The following RGS12 variants were observed in gnomAD, a reference collection of about 807,000 sequenced individuals.
RGS12 encodes regulator of G protein signaling 12, also known as regulator of G-protein signaling 12.
A neutral mutation model predicts 120.1 loss-of-function variants in RGS12; 66 were observed. The ratio of observed to expected loss-of-function variants is 0.55; its 90% CI spans 0.45 to 0.67. RGS12 has a LOEUF of 0.67. Ranked by LOEUF, RGS12 falls within the 30% of genes least tolerant of loss-of-function variation. The probability of loss-of-function intolerance (pLI) is 0.00; values close to 1 mark genes in which losing one functional copy is unlikely to be tolerated. For missense variants in RGS12, 1,859 were observed against 1,957.7 expected (o/e 0.95, Z 0.95); for synonymous variants, 827 against 804.7 (o/e 1.03, Z -0.47).
At chr4:3,417,731 C>T in intron 9 of RGS12, 190 bp downstream of exon 9, 1 of 609,834 alleles carries the variant, frequency 1.6e-6, no homozygotes, top group Non-Finnish European at 2.8e-6. Context: ...GTCAGCCAGC[C>T]AGAGGGCAGC....
upstream of RGS12, among the ~76,000 whole-genome samples, chr4:3,289,449 C>T (rs901037096): frequency 1.3e-5 from 2 of 152,178 alleles, no homozygotes; most frequent in Admixed American, 6.5e-5. Flanking sequence ...AGTGAGCCAC[C>T]TACCTCAGCC....
chr4:3,393,057 T>TC (rs1719668805), intron 4 of RGS12, among the ~76,000 whole-genome samples: 2 of 152,226 alleles, frequency 1.3e-5, no homozygotes, highest in Admixed American at 6.5e-5. Flanking sequence ...GCCAGTGCTA[T>TC]CATCTCTGTC....
rs773470752 is a variant in RGS12 at position 3,417,017 on chromosome 4, G to A, written c.2532G>A (p.Ser844=). The change falls in exon 8 of 18, where the codon TCG becomes TCA. Residue 844 remains serine, a synonymous_variant. Transcript: ENST00000336727. Reference sequence around the variant, plus strand: ...TGGAGGGCCGTGCACTCCCGGACTCGCAGCAGGTCCCCAGCAGCCCGGCTT... The same window carrying A: ...TGGAGGGCCGTGCACTCCCGGACTCACAGCAGGTCCCCAGCAGCCCGGCTT... ...AEVEGRALPD[S]QQVPSSPASK... The A allele has an allele frequency of 5.0e-6, 8 of 1,613,224 alleles. No homozygotes were observed. Among genetic ancestry groups the A allele is most frequent in the African/African-American group, 4.0e-5 (3 of 74,946 alleles).
intron 1 of RGS12, among the ~76,000 whole-genome samples, chr4:3,304,212 A>G (rs1488884459): frequency 6.6e-6 from 1 of 152,280 alleles, no homozygotes; most frequent in Non-Finnish European, 1.5e-5. Flanking sequence ...GCATGATGAC[A>G]AAATGCTGAC....
rs754354768 is a variant in RGS12 at position 3,317,141 on chromosome 4, G to A, written c.971G>A (p.Ser324Asn). 3.1e-6 allele frequency: 5 copies of A among 1,614,038 alleles called. No individual in the cohort carries two copies. In the South Asian group the frequency reaches 5.5e-5, roughly 18 times the overall value. Residue 324 changes from serine to asparagine, a missense_variant, in exon 2 of 18, where the codon AGC becomes AAC. This residue lies in a region of RGS12 where 967 missense variants were observed against 994.2 expected (regional missense o/e 0.97). Transcript: ENST00000336727. ...ACCATGCAGACGAATGACGACGGGA[G>A]CCTGGCCCAGGAGGAGGAGGGCGCC... ...LVTMQTNDDG[S>N]LAQEEEGALR...
At chr4:3,400,433 T>G (rs1365887378) in intron 4 of RGS12, among the ~76,000 whole-genome samples, 1 of 152,164 alleles carries the variant, frequency 6.6e-6, no homozygotes, top group Non-Finnish European at 1.5e-5. Context: ...TAGGGATACA[T>G]TGGTGAACAA....
At chr4:3,405,085 C>G (rs1347231698) in intron 4 of RGS12, among the ~76,000 whole-genome samples, 1 of 152,184 alleles carries the variant, frequency 6.6e-6, no homozygotes, top group Non-Finnish European at 1.5e-5. Context: ...AGATAAATGG[C>G]TTTGTAGTAA....
At chr4:3,360,847 C>T (rs939216607) in intron 3 of RGS12, among the ~76,000 whole-genome samples, 2 of 152,168 alleles carry the variant, frequency 1.3e-5, no homozygotes, top group East Asian at 1.9e-4. Flanking sequence ...GAATGACAAA[C>T]GGCTCAAATG....
Position 3,402,475 on chromosome 4 carries a change from T to C in RGS12, c.2021-11597T>C, listed in dbSNP as rs77668195. 8.3e-4 allele frequency among the ~76,000 whole-genome samples: 126 copies of C among 152,328 alleles called. 1 individual carries two copies. The East Asian group carries it at 0.016, about 20-fold the overall frequency. The stretch of plus-strand genomic sequence containing the variant: ...GGGTAGGGTGCCCTTTCGTCCTCTC[T>C]ATCCCTGGACTCTTTCAGTGGAAGC... On this transcript the variant is annotated intron_variant, in intron 4 of 17. Transcript: ENST00000336727.
intron 3 of RGS12, among the ~76,000 whole-genome samples, chr4:3,348,386 G>A (rs2108795365): frequency 6.6e-6 from 1 of 152,294 alleles, no homozygotes; most frequent in Non-Finnish European, 1.5e-5. Flanking sequence ...TCGTAGGCCA[G>A]TTACCAAAAA....
chr4:3,436,209 A>T (rs1032827245), intron 17 of RGS12, among the ~76,000 whole-genome samples: 7 of 152,090 alleles, frequency 4.6e-5, no homozygotes, highest in African/African-American at 1.7e-4. Flanking sequence ...CACAGGCCTT[A>T]GCAGGAGCCC....
chr4:3,349,851 T>G lies in RGS12; in HGVS notation c.1998+6798T>G, dbSNP rs200158250. Among the ~76,000 whole-genome samples, 30 of 152,326 alleles carry G rather than the reference T, an allele frequency of 2.0e-4. No individual in the cohort carries two copies. The South Asian group carries it at 3.3e-3, about 17-fold the overall frequency. ...ACTTACATTTGTGTTCAGCAATGTATGTTTTAGTACTTTATCTTATATGGA... is the reference window on the plus strand; with the variant it reads ...ACTTACATTTGTGTTCAGCAATGTAGGTTTTAGTACTTTATCTTATATGGA... On this transcript the variant is annotated intron_variant, in intron 3 of 17. Transcript: ENST00000336727.
At chr4:3,326,330 T>G (rs1725552466) in intron 2 of RGS12, among the ~76,000 whole-genome samples, 1 of 152,216 alleles carries the variant, frequency 6.6e-6, no homozygotes, top group East Asian at 1.9e-4. Flanking sequence ...CACTGTAACC[T>G]CAAACTCTTG....
Position 3,343,479 on chromosome 4 carries a change from G to A in RGS12, c.1998+426G>A, listed in dbSNP as rs567775507. Among the ~76,000 whole-genome samples, 55 of 152,146 alleles carry A rather than the reference G, an allele frequency of 3.6e-4. No homozygotes were observed. In the Middle Eastern group the frequency reaches 0.01, roughly 28 times the overall value. Reference sequence around the variant, plus strand: ...GATTTTATTTTTTATAGCAGTTTTAGGTTTACAGAAAGTACAGAGAGTTCC... The same window carrying A: ...GATTTTATTTTTTATAGCAGTTTTAAGTTTACAGAAAGTACAGAGAGTTCC... On this transcript the variant is annotated intron_variant, in intron 3 of 17. Coordinates refer to ENST00000336727, the MANE Select transcript of RGS12 (RefSeq NM_001394154.1).
Position 3,293,303 on chromosome 4 carries a change from CGCGGGGCGGGGCGGG to C in RGS12, c.-102+211_-102+225del, listed in dbSNP as rs532215407. 1.3e-4 allele frequency among the ~76,000 whole-genome samples: 19 copies of C among 143,898 alleles called. No individual in the cohort carries two copies. In the East Asian group the frequency reaches 2.4e-3, roughly 18 times the overall value. The allele number at this position is 143,898 out of a possible 152,430, so 94.4% of individuals were successfully genotyped here. Reference sequence around the variant, plus strand: ...CTCAGGCTCCTGGTCCCGGGCCCGGCGCGGGGCGGGGCGGGGCGGGGGCGGGGGCGGGCGGCGCGG... The same window carrying C: ...CTCAGGCTCCTGGTCCCGGGCCCGGCGCGGGGGCGGGGGCGGGCGGCGCGG... On this transcript the variant is annotated intron_variant, in intron 1 of 17. Coordinates refer to ENST00000336727, the MANE Select transcript of RGS12 (RefSeq NM_001394154.1).
chr4:3,371,139 T>TTA (rs1347739191), intron 3 of RGS12, among the ~76,000 whole-genome samples: 2 of 152,148 alleles, frequency 1.3e-5, no homozygotes, highest in African/African-American at 4.8e-5. Context: ...AAGTGGGAAA[T>TTA]AGACATGGGT....
At chr4:3,292,169 G>A (rs1408234656), upstream of RGS12, among the ~76,000 whole-genome samples, 1 of 152,240 alleles carries the variant, frequency 6.6e-6, no homozygotes, top group East Asian at 1.9e-4. Flanking sequence ...GGAAGGAAGG[G>A]GCAGGGAGAC....
intron 1 of RGS12, among the ~76,000 whole-genome samples, chr4:3,296,571 G>A (rs569787441): frequency 9.2e-5 from 14 of 152,322 alleles, no homozygotes; most frequent in African/African-American, 3.1e-4. Context: ...CTGCAGATCC[G>A]TATTGCCGTA....
intron 4 of RGS12, among the ~76,000 whole-genome samples, chr4:3,409,821 C>T (rs928323215): frequency 3.3e-5 from 5 of 152,234 alleles, no homozygotes; most frequent in Non-Finnish European, 5.9e-5. Context: ...TTCTGCCTCC[C>T]CTGTCTTCCC....
Sources: allele counts gnomAD v4.1 joint callset (sites outside exome capture counted in the v4.1 genomes callset), GRCh38; gene constraint gnomAD v4.1.1; regional missense constraint gnomAD v4.1.1; transcripts MANE v1.5; gene names NCBI Gene and HGNC (gene_info 2026-07-23, HGNC 2026-07-21).